CATSPERE: variants seen among roughly 807,000 people sequenced by gnomAD.
The protein encoded by CATSPERE is catsper channel auxiliary subunit epsilon.
CATSPERE carries 93 observed loss-of-function variants against 114.1 expected under a neutral mutation model. The observed-to-expected ratio is 0.81, with a 90% CI of 0.69 to 0.97. The LOEUF is 0.97. Among genes scored for constraint, CATSPERE ranks in the 50% least tolerant of loss-of-function variants. The pLI, the probability that CATSPERE is intolerant of heterozygous loss-of-function variation, is 0.00. For missense variants in CATSPERE, 1,058 were observed against 1,131.6 expected, an observed-to-expected ratio of 0.93 and a Z score of 0.93; for synonymous variants, 341 against 384.1, an observed-to-expected ratio of 0.89 and a Z score of 1.31.
chr1:244,508,347 T>C (rs1329513692), intron 7 of CATSPERE, among the ~76,000 whole-genome samples: 10 of 149,928 alleles, frequency 6.7e-5, no homozygotes, highest in Non-Finnish European at 1.0e-4. Context: ...GTCACCCAGG[T>C]TGGAGTGCAG....
chr1:244,550,439 A>T (rs1181360965), intron 8 of CATSPERE, among the ~76,000 whole-genome samples: 1 of 152,216 alleles, frequency 6.6e-6, no homozygotes, highest in Non-Finnish European at 1.5e-5. Context: ...AATGATTGAT[A>T]AGGAAAATTG....
chr1:244,630,404 A>C (rs183668397), intron 20 of CATSPERE, among the ~76,000 whole-genome samples: 1 of 152,334 alleles, frequency 6.6e-6, no homozygotes, highest in African/African-American at 2.4e-5. Context: ...AAAGATTTAC[A>C]TGTTAGTGGT....
intron 5 of CATSPERE, among the ~76,000 whole-genome samples, chr1:244,482,942 A>G (rs990024491): frequency 6.6e-6 from 1 of 152,240 alleles, no homozygotes; most frequent in Non-Finnish European, 1.5e-5. Context: ...GAATCATATG[A>G]TAAGTATTCT....
At chr1:244,510,192 G>C (rs1675475287) in intron 7 of CATSPERE, among the ~76,000 whole-genome samples, 6 of 151,932 alleles carry the variant, frequency 3.9e-5, no homozygotes, top group Admixed American at 3.9e-4. Context: ...TTACTTTTAT[G>C]ACCTAGGTGT....
intron 17 of CATSPERE, among the ~76,000 whole-genome samples, chr1:244,596,988 A>G (rs1269505123): frequency 6.6e-6 from 1 of 151,910 alleles, no homozygotes; most frequent in African/African-American, 2.4e-5. Context: ...CTATAGATGA[A>G]CTGTCTGTGT....
intron 8 of CATSPERE, among the ~76,000 whole-genome samples, chr1:244,551,452 G>A (rs558201040): frequency 1.2e-3 from 186 of 152,324 alleles, no homozygotes; most frequent in African/African-American, 4.0e-3. Flanking sequence ...ATGTATGTAT[G>A]TAGAGAGAAG....
chr1:244,505,489 A>G (rs1448327578), intron 7 of CATSPERE, among the ~76,000 whole-genome samples: 1 of 152,194 alleles, frequency 6.6e-6, no homozygotes, highest in African/African-American at 2.4e-5. Flanking sequence ...CTGTATTTAT[A>G]TTAAGCTAAA....
chr1:244,625,638 A>G (rs1198086738), intron 20 of CATSPERE, among the ~76,000 whole-genome samples: 1 of 149,982 alleles, frequency 6.7e-6, no homozygotes, highest in Non-Finnish European at 1.5e-5. Flanking sequence ...CATCTTGGCC[A>G]GGATGGTCTC....
chr1:244,473,147 A>G (rs770911461), intron 2 of CATSPERE, among the ~76,000 whole-genome samples: 1 of 151,836 alleles, frequency 6.6e-6, no homozygotes, highest in Non-Finnish European at 1.5e-5. Flanking sequence ...TGCTAGATAT[A>G]TGGTAGGAGT....
chr1:244,621,194 T>TTTATATAAATATATATA (rs1672229794), intron 20 of CATSPERE, among the ~76,000 whole-genome samples: 1 of 13,006 alleles, frequency 7.7e-5, no homozygotes. Context: ...TATAGATATA[T>TTTATATAAATATATATA]TTATATAGAT....
At chr1:244,477,699 A>T (rs1269104776) in intron 3 of CATSPERE, 85 bp downstream of exon 3, 1 of 1,070,482 alleles carries the variant, frequency 9.3e-7, no homozygotes, top group Non-Finnish European at 1.4e-6. Flanking sequence ...CAAGGCTGTG[A>T]TTTAATATAA....
At chr1:244,505,174 TTAACACTCTCTTTCTTAC>T (rs1674633518) in intron 7 of CATSPERE, among the ~76,000 whole-genome samples, 1 of 152,222 alleles carries the variant, frequency 6.6e-6, no homozygotes, top group Non-Finnish European at 1.5e-5. Flanking sequence ...TTCTTTGTTG[TTAACACTCTCTTTCTTAC>T]TGGCACTATA....
chr1:244,490,596 T>C, intron 6 of CATSPERE, 125 bp downstream of exon 6: 1 of 602,104 alleles, frequency 1.7e-6, no homozygotes, highest in South Asian at 2.2e-5. Flanking sequence ...TTGCTTAGAG[T>C]ATACCTTTCT....
rs113348007 is a variant in CATSPERE at position 244,572,879 on chromosome 1, T to C, written c.1950+107T>C. 3.0e-3 allele frequency: 2,291 copies of C among 754,942 alleles called. 42 individuals are homozygous for C. In the African/African-American group the frequency reaches 0.034, roughly 11 times the overall value. The allele number at this position is 754,942 out of a possible 1,614,324, so 46.8% of individuals were successfully genotyped here. A position where few individuals can be genotyped will look rare whatever the true frequency, so the allele number is the denominator to read the frequency against. On this transcript the variant is annotated intron_variant, in intron 11 of 21. Coordinates refer to ENST00000366534, the MANE Select transcript of CATSPERE (RefSeq NM_001130957.2). ...CTTCTAGGCTCAGCTGGGAAAATGT[T>C]GAGGAATGTCTGAGTTTTTAATAAA... is the stretch of plus-strand genomic sequence containing the variant.
intron 4 of CATSPERE, among the ~76,000 whole-genome samples, chr1:244,479,285 G>A (rs1043534582): frequency 6.6e-6 from 1 of 151,976 alleles, no homozygotes; most frequent in African/African-American, 2.4e-5. Flanking sequence ...CAGAGATGGG[G>A]TTTCACCATG....
intron 20 of CATSPERE, among the ~76,000 whole-genome samples, chr1:244,628,380 C>T (rs1673471889): frequency 6.6e-6 from 1 of 152,136 alleles, no homozygotes; most frequent in Non-Finnish European, 1.5e-5. Flanking sequence ...CTAGGCACCA[C>T]AGCCCCATTG....
At chr1:244,602,501 C>A (rs998537128) in intron 17 of CATSPERE, among the ~76,000 whole-genome samples, 34 of 152,140 alleles carry the variant, frequency 2.2e-4, no homozygotes, top group African/African-American at 8.0e-4. Flanking sequence ...AGGTACAAGG[C>A]TCGGCAGAGT....
At chr1:244,616,110 C>T (rs1233927166) in intron 19 of CATSPERE, among the ~76,000 whole-genome samples, 1 of 152,064 alleles carries the variant, frequency 6.6e-6, no homozygotes, top group Non-Finnish European at 1.5e-5. Flanking sequence ...GCCGGGGTGT[C>T]AGAGCGAGAC....
At position 244,580,950 on chromosome 1, in the gene CATSPERE, A is replaced by G. The variant is rs1271102966; in HGVS notation, c.1951-846A>G. On this transcript the variant is annotated intron_variant, in intron 11 of 21. Coordinates refer to ENST00000366534, the MANE Select transcript of CATSPERE (RefSeq NM_001130957.2). ...TGGGAGGTGGAGGTTGTAGTGAGCC[A>G]AGATTGCGCCATTGCACTTCAGCCT... 2.0e-5 allele frequency among the ~76,000 whole-genome samples: 3 copies of G among 152,074 alleles called. No individual in the cohort carries two copies. The East Asian group carries it at 5.8e-4, about 29-fold the overall frequency.
Sources: allele counts gnomAD v4.1 joint callset (sites outside exome capture counted in the v4.1 genomes callset), GRCh38; gene constraint gnomAD v4.1.1; transcripts MANE v1.5; gene names NCBI Gene and HGNC (gene_info 2026-07-23, HGNC 2026-07-21).